The following RNGTT variants were observed in gnomAD, a reference collection of about 807,000 sequenced individuals.
The protein encoded by RNGTT is RNA guanylyltransferase and 5'-phosphatase, also known as mRNA-capping enzyme.
Under a neutral mutation model 79.3 loss-of-function variants are expected in RNGTT, and 33 were observed. The observed-to-expected ratio is 0.42, with a 90% CI of 0.32 to 0.56. The LOEUF (loss-of-function observed/expected upper bound fraction) is 0.56. Among genes scored for constraint, RNGTT ranks in the 20% least tolerant of loss-of-function variants. The probability of loss-of-function intolerance (pLI) is 0.17; values close to 1 mark genes in which losing one functional copy is unlikely to be tolerated. For synonymous variants in RNGTT, 222 were observed against 235.9 expected, an observed-to-expected ratio of 0.94 and a Z score of 0.54; for missense variants, 497 against 739.1, an observed-to-expected ratio of 0.67 and a Z score of 3.80.
At chr6:88,752,478 G>A (rs1175563262) in intron 13 of RNGTT, among the ~76,000 whole-genome samples, 1 of 151,940 alleles carries the variant, frequency 6.6e-6, no homozygotes. Flanking sequence ...ATAACAAATT[G>A]CTAATTTAAA....
intron 4 of RNGTT, among the ~76,000 whole-genome samples, chr6:88,913,069 G>A: frequency 6.6e-6 from 1 of 152,104 alleles, no homozygotes; most frequent in East Asian, 1.9e-4. Context: ...GCCAGGCATG[G>A]TGGCACACGC....
rs1217532949 is a variant in RNGTT, at chr6:88,822,663, G to A, written c.1270-21031C>T. 5.3e-5 allele frequency among the ~76,000 whole-genome samples: 8 copies of A among 152,050 alleles called. No homozygotes were observed. The East Asian group carries it at 9.6e-4, about 18-fold the overall frequency. The stretch of plus-strand genomic sequence containing the variant: ...CAGACCAACCTCTATCACCCATTCC[G>A]TCGTTCCAGGCATTTGCAATAGTGG... On this transcript the variant is annotated intron_variant, in intron 11 of 15. Transcript: ENST00000369485.
chr6:88,648,494 TAAA>T (rs57660975), intron 14 of RNGTT, among the ~76,000 whole-genome samples: 19,108 of 150,530 alleles, frequency 0.13, 1,352 homozygotes, highest in Middle Eastern at 0.21. Context: ...ATAATAATAA[TAAA>T]AAATTCTAAC....
intron 8 of RNGTT, among the ~76,000 whole-genome samples, chr6:88,870,969 G>A (rs904274643): frequency 4.6e-5 from 7 of 152,064 alleles, no homozygotes; most frequent in Non-Finnish European, 4.4e-5. Context: ...AGTGACAATT[G>A]TTCAGATCTA....
At chr6:88,677,285 G>GAAAA (rs35139705) in intron 14 of RNGTT, among the ~76,000 whole-genome samples, 1 of 109,222 alleles carries the variant, frequency 9.2e-6, no homozygotes, top group African/African-American at 3.3e-5. Context: ...TGGAGACCAG[G>GAAAA]AAAAAAAAAA....
chr6:88,674,857 G>A lies in RNGTT; in HGVS notation c.1506+3496C>T, dbSNP rs568395987. Among the ~76,000 whole-genome samples the A allele has an allele frequency of 3.3e-5, 5 of 152,282 alleles. No individual in the cohort carries two copies. The South Asian group carries it at 6.2e-4, about 19-fold the overall frequency. On this transcript the variant is annotated intron_variant, in intron 14 of 15. Coordinates refer to ENST00000369485, the MANE Select transcript of RNGTT (RefSeq NM_003800.5). ...CATGCCTGTAATCCCAGTACTGTGG[G>A]AGGCTGAAGTGGGCGGACTGCCTGA...
chr6:88,788,616 A>G (rs1376593746), intron 12 of RNGTT, among the ~76,000 whole-genome samples: 4 of 152,228 alleles, frequency 2.6e-5, no homozygotes, highest in Non-Finnish European at 5.9e-5. Context: ...ATATTAGTAA[A>G]TCAGCAGCAC....
At chr6:88,823,250 G>T (rs971569155) in intron 11 of RNGTT, among the ~76,000 whole-genome samples, 7 of 152,008 alleles carry the variant, frequency 4.6e-5, no homozygotes, top group Admixed American at 1.3e-4. Context: ...GAACAACATG[G>T]TGAAACCCCG....
chr6:88,753,541 A>AGC lies in RNGTT; in HGVS notation c.1439+16232_1439+16233insGC, dbSNP rs1777908837. On this transcript the variant is annotated intron_variant, in intron 13 of 15. Transcript: ENST00000369485. ...AAATTATATAAAACTACTTGAACTG[A>AGC]TAGAAAAGTTCTGAAAAAGGAATAA... is the stretch of plus-strand genomic sequence containing the variant. 2.6e-5 allele frequency among the ~76,000 whole-genome samples: 4 copies of AGC among 151,962 alleles called. No homozygotes were observed. In the South Asian group the frequency reaches 8.3e-4, roughly 32 times the overall value.
At chr6:88,853,893 C>A in intron 8 of RNGTT, 129 bp from the exon 9 acceptor site, 2 of 497,668 alleles carry the variant, frequency 4.0e-6, no homozygotes, top group Non-Finnish European at 7.1e-6. Context: ...GTCTCTTTAT[C>A]ATGTAGATTA....
intron 4 of RNGTT, among the ~76,000 whole-genome samples, chr6:88,916,323 A>C (rs1783997272): frequency 6.6e-6 from 1 of 152,132 alleles, no homozygotes; most frequent in Non-Finnish European, 1.5e-5. Flanking sequence ...AAATACAAAA[A>C]TTCGCCATGC....
At position 88,754,124 on chromosome 6, in the gene RNGTT, A is replaced by T. The variant is rs112769621; in HGVS notation, c.1439+15650T>A. Among the ~76,000 whole-genome samples, 1,018 of 152,326 alleles carry T rather than the reference A, an allele frequency of 6.7e-3. 5 individuals are homozygous for T. The highest frequency in any genetic ancestry group is 0.022 in the African/African-American group (913 of 41,564). The stretch of plus-strand genomic sequence containing the variant: ...TATTAAGGATCCTAGGAAGATGATA[A>T]ATCTAAACATGTCTGACTTCTCCTC... On this transcript the variant is annotated intron_variant, in intron 13 of 15. Transcript: ENST00000369485.
intron 14 of RNGTT, among the ~76,000 whole-genome samples, chr6:88,672,216 TATAC>T (rs71021382): frequency 0.25 from 37,544 of 149,912 alleles, 5,675 homozygotes; most frequent in Non-Finnish European, 0.34. Context: ...TATATATATA[TATAC>T]ACACACACAC....
intron 13 of RNGTT, among the ~76,000 whole-genome samples, chr6:88,763,777 C>T (rs1467581452): frequency 1.3e-5 from 2 of 152,178 alleles, no homozygotes; most frequent in African/African-American, 4.8e-5. Flanking sequence ...ATCAGGATAG[C>T]TTCTCCAAGG....
At chr6:88,890,784 G>C (rs1007831254) in intron 7 of RNGTT, among the ~76,000 whole-genome samples, 188 bp from the exon 8 acceptor site, 2 of 152,090 alleles carry the variant, frequency 1.3e-5, no homozygotes, top group African/African-American at 4.8e-5. Context: ...TGACATTTTA[G>C]AATGCAAGTT....
At chr6:88,844,204 C>T (rs573428575) in intron 11 of RNGTT, among the ~76,000 whole-genome samples, 153 bp downstream of exon 11, 8 of 152,038 alleles carry the variant, frequency 5.3e-5, no homozygotes, top group Admixed American at 1.3e-4. Context: ...GCCTAGGAGT[C>T]GTACCATGTT....
At chr6:88,787,956 T>C (rs1285498079) in intron 12 of RNGTT, among the ~76,000 whole-genome samples, 1 of 152,238 alleles carries the variant, frequency 6.6e-6, no homozygotes, top group East Asian at 1.9e-4. Flanking sequence ...AACCAGTTTG[T>C]ATGTCTGCTT....
chr6:88,655,894 G>C (rs1322242781), intron 14 of RNGTT, among the ~76,000 whole-genome samples: 1 of 152,086 alleles, frequency 6.6e-6, no homozygotes, highest in Admixed American at 6.5e-5. Flanking sequence ...GGTTTTTATG[G>C]ATTCTGGCTG....
At chr6:88,746,541 T>C (rs1777664683) in intron 13 of RNGTT, among the ~76,000 whole-genome samples, 1 of 152,318 alleles carries the variant, frequency 6.6e-6, no homozygotes. Context: ...GAAGATTTCA[T>C]GTCAAATCAT....
Sources: allele counts gnomAD v4.1 joint callset (sites outside exome capture counted in the v4.1 genomes callset), GRCh38; gene constraint gnomAD v4.1.1; transcripts MANE v1.5; gene names NCBI Gene and HGNC (gene_info 2026-07-23, HGNC 2026-07-21).